Variants in ZNF385D observed in about 807,000 individuals in gnomAD.
ZNF385D encodes the protein zinc finger protein 385D.
ZNF385D carries 15 observed loss-of-function variants against 35.8 expected under a neutral mutation model. The ratio of observed to expected loss-of-function variants is 0.42; its 90% CI spans 0.28 to 0.64. The LOEUF (loss-of-function observed/expected upper bound fraction) is 0.64. Ranked by LOEUF, ZNF385D falls within the 30% of genes least tolerant of loss-of-function variation. The pLI is 0.23. For synonymous variants in ZNF385D, 212 were observed against 186.8 expected (o/e 1.13, Z -1.10); for missense variants, 474 against 494.6 (o/e 0.96, Z 0.39).
chr3:21,596,328 T>A (rs1232273171), intron 2 of ZNF385D, among the ~76,000 whole-genome samples: 1 of 152,110 alleles, frequency 6.6e-6, no homozygotes. Context: ...ACCACACTAT[T>A]CAGTTCACAG....
At chr3:21,545,642 T>C (rs1354162239) in intron 3 of ZNF385D, among the ~76,000 whole-genome samples, 1 of 152,054 alleles carries the variant, frequency 6.6e-6, no homozygotes, top group Non-Finnish European at 1.5e-5. Context: ...TAGAACACAA[T>C]TGGAAAAAAA....
chr3:22,299,727 A>G (rs1702793511), intron 2 of ZNF385D, among the ~76,000 whole-genome samples: 1 of 151,966 alleles, frequency 6.6e-6, no homozygotes, highest in South Asian at 2.1e-4. Flanking sequence ...GTTATAAAAA[A>G]TAGTAAAATT....
At chr3:22,135,570 G>A (rs1173236151) in intron 3 of ZNF385D, among the ~76,000 whole-genome samples, 1 of 152,054 alleles carries the variant, frequency 6.6e-6, no homozygotes, top group Non-Finnish European at 1.5e-5. Flanking sequence ...TGATCAATGG[G>A]TTTAATGCAT....
chr3:21,836,993 C>T (rs1374133245), intron 3 of ZNF385D, among the ~76,000 whole-genome samples: 3 of 152,016 alleles, frequency 2.0e-5, no homozygotes, highest in Admixed American at 2.0e-4. Flanking sequence ...AAACATGAAA[C>T]TTGTTTGAAA....
intron 3 of ZNF385D, among the ~76,000 whole-genome samples, chr3:21,865,024 C>CTTTTTT: frequency 1.2e-5 from 1 of 82,740 alleles, no homozygotes; most frequent in African/African-American, 5.0e-5. Context: ...GCAGCAATTA[C>CTTTTTT]TCTGTGGGGT....
At chr3:22,245,363 GA>G (rs757275830) in intron 2 of ZNF385D, among the ~76,000 whole-genome samples, 47 of 151,190 alleles carry the variant, frequency 3.1e-4, no homozygotes, top group Non-Finnish European at 5.6e-4. Context: ...GCTTTCCAAG[GA>G]AAGCATGCTG....
chr3:22,309,355 T>C (rs1703409441), intron 2 of ZNF385D, among the ~76,000 whole-genome samples: 1 of 152,058 alleles, frequency 6.6e-6, no homozygotes, highest in African/African-American at 2.4e-5. Flanking sequence ...CTATAATAAA[T>C]GATTCTAAGA....
chr3:22,220,513 G>A (rs1698188762), intron 2 of ZNF385D, among the ~76,000 whole-genome samples: 1 of 152,174 alleles, frequency 6.6e-6, no homozygotes, highest in South Asian at 2.1e-4. Flanking sequence ...CAGGGCAAAA[G>A]TCCTTGATCA....
chr3:21,621,530 G>C (rs2125814812), intron 2 of ZNF385D, among the ~76,000 whole-genome samples: 1 of 144,556 alleles, frequency 6.9e-6, no homozygotes, highest in Non-Finnish European at 1.5e-5. Flanking sequence ...AATTTGCTGT[G>C]TCATCAGTTA....
At chr3:21,818,751 A>G (rs1290741139) in intron 3 of ZNF385D, among the ~76,000 whole-genome samples, 1 of 152,084 alleles carries the variant, frequency 6.6e-6, no homozygotes, top group African/African-American at 2.4e-5. Context: ...GGAGGTAGGT[A>G]ATGAACATTC....
intron 3 of ZNF385D, among the ~76,000 whole-genome samples, chr3:21,978,501 G>A (rs1025630720): frequency 6.6e-6 from 1 of 152,186 alleles, no homozygotes; most frequent in Non-Finnish European, 1.5e-5. Flanking sequence ...GGGTGTTCTG[G>A]TGTGACTTAA....
chr3:21,918,352 C>T (rs1272633582), intron 3 of ZNF385D, among the ~76,000 whole-genome samples: 1 of 152,174 alleles, frequency 6.6e-6, no homozygotes, highest in Non-Finnish European at 1.5e-5. Flanking sequence ...TAATACTCCA[C>T]TTTAAAGTGG....
intron 3 of ZNF385D, among the ~76,000 whole-genome samples, chr3:21,854,044 C>A (rs750439852): frequency 4.0e-5 from 6 of 151,796 alleles, no homozygotes; most frequent in Admixed American, 1.3e-4. Flanking sequence ...AAAAGTAATT[C>A]AGATGCATAT....
rs180846051 is a variant in ZNF385D, at chr3:21,446,697, T to A, written c.440-9494A>T. ...TTAGTAGAGATGGGGTTTCACCATG[T>A]TGGCCAGCCGGTCTCCAATCTCTGA... On this transcript the variant is annotated intron_variant, in intron 4 of 7. Coordinates refer to ENST00000281523, the MANE Select transcript of ZNF385D (RefSeq NM_024697.3). 1.5e-3 allele frequency among the ~76,000 whole-genome samples: 233 copies of A among 152,046 alleles called. 1 individual carries two copies. The highest frequency in any genetic ancestry group is 5.3e-3 in the African/African-American group (221 of 41,476).
intron 3 of ZNF385D, among the ~76,000 whole-genome samples, chr3:22,069,099 G>C (rs894095494): frequency 3.9e-5 from 6 of 152,184 alleles, no homozygotes; most frequent in African/African-American, 1.4e-4. Context: ...ATCTGGGCTA[G>C]CTACAGGTGT....
At chr3:21,707,474 C>T (rs1036295720) in intron 1 of ZNF385D, among the ~76,000 whole-genome samples, 9 of 152,072 alleles carry the variant, frequency 5.9e-5, no homozygotes, top group African/African-American at 2.2e-4. Flanking sequence ...TAGACAGAAC[C>T]CCCATCCTGA....
At chr3:22,236,858 A>G (rs1368837440) in intron 2 of ZNF385D, among the ~76,000 whole-genome samples, 3 of 152,198 alleles carry the variant, frequency 2.0e-5, no homozygotes, top group African/African-American at 2.4e-5. Context: ...AGCATGGATC[A>G]GTATTTCAAT....
chr3:21,977,817 C>T (rs537095692), intron 3 of ZNF385D, among the ~76,000 whole-genome samples: 3 of 151,950 alleles, frequency 2.0e-5, no homozygotes, highest in African/African-American at 7.3e-5. Flanking sequence ...GCCTGGGCAA[C>T]AGAGCAAAAC....
Position 21,646,457 on chromosome 3 carries a change from T to C in ZNF385D, c.165+18429A>G, listed in dbSNP as rs542298277. On this transcript the variant is annotated intron_variant, in intron 2 of 7. Coordinates refer to ENST00000281523, the MANE Select transcript of ZNF385D (RefSeq NM_024697.3). The surrounding 1 kb of genome is among the most constrained non-coding windows in gnomAD (Gnocchi z 4.3). ...GGCAGTGCTTGGATAGGAACTCAGA[T>C]CTTTACCTTCAAAGGTAAGCTACAA... 6.4e-4 allele frequency among the ~76,000 whole-genome samples: 98 copies of C among 152,318 alleles called. No homozygotes were observed. The highest frequency in any genetic ancestry group is 2.1e-3 in the African/African-American group (89 of 41,576).
Sources: gnomAD v4.1 joint callset for allele counts (sites outside exome capture counted in the v4.1 genomes callset) on GRCh38, gnomAD v4.1.1 for gene constraint, Gnocchi (gnomAD v3.1) non-coding constraint, MANE v1.5 for transcripts, NCBI Gene and HGNC (gene_info 2026-07-23, HGNC 2026-07-21) for gene names.